CGN: variants seen among roughly 807,000 people sequenced by gnomAD.
CGN encodes cingulin.
A neutral mutation model predicts 157.1 loss-of-function variants in CGN; 121 were observed. That is an observed-to-expected ratio of 0.77 (90% CI 0.66 to 0.90). The LOEUF (loss-of-function observed/expected upper bound fraction) is 0.90. Ranked by LOEUF, CGN falls within the 40% of genes least tolerant of loss-of-function variation. The pLI, the probability that CGN is intolerant of heterozygous loss-of-function variation, is 0.00. For synonymous variants in CGN, 535 were observed against 607.5 expected (o/e 0.88, Z 1.76); for missense variants, 1,424 against 1,520.9 (o/e 0.94, Z 1.06).
In CGN at chr1:151,524,929, G is replaced by T. The variant is rs1173699256; in HGVS notation, c.1614+43G>T. On this transcript the variant is annotated intron_variant, in intron 8 of 20. Coordinates refer to ENST00000271636, the MANE Select transcript of CGN (RefSeq NM_020770.3). The surrounding 1 kb of genome is among the most constrained non-coding windows in gnomAD (Gnocchi z 4.4). ...GGTCTGAGAGAGGAGGGCACTGCTG[G>T]AGAACAAGGCTGCCTTGGGATCTTG... The T allele has an allele frequency of 6.5e-7, 1 of 1,529,286 alleles. No individual in the cohort carries two copies. Among genetic ancestry groups the T allele is most frequent in the Admixed American group, 1.8e-5 (1 of 55,748 alleles). The allele number at this position is 1,529,286 out of a possible 1,614,324, so 94.7% of individuals were successfully genotyped here. A position where few individuals can be genotyped will look rare whatever the true frequency, so the allele number is the denominator to read the frequency against.
rs776839674 is a variant in CGN at position 151,533,993 on chromosome 1, G to A, written c.2761G>A (p.Ala921Thr). The change falls in exon 15 of 21, where the codon GCC (alanine) becomes ACC (threonine). Residue 921 changes from alanine (A) to threonine (T), a missense_variant. Around this residue, in one of 3 missense-constraint regions of CGN, gnomAD observed 1,187 missense variants for 1,217.6 expected, o/e 0.97. Coordinates refer to ENST00000271636, the MANE Select transcript of CGN (RefSeq NM_020770.3). The stretch of plus-strand genomic sequence containing the variant: ...TGCCCAGATCCAGAGGCTGCGGCAG[G>A]CCCTGCAGGCATCCCAGGCTGAGCG... The part of the protein sequence containing the change: ...LQDEIQRLRQ[A>T]LQASQAERDT... 2 of 1,611,000 alleles carry A rather than the reference G, an allele frequency of 1.2e-6. No individual in the cohort carries two copies. Among genetic ancestry groups the A allele is most frequent in the Admixed American group, 3.4e-5 (2 of 59,516 alleles).
At position 151,525,725 on chromosome 1, in the gene CGN, G is replaced by A. The variant is rs145725430; in HGVS notation, c.1698G>A (p.Glu566=). ...GLQRELEETS[E]ETGHWQSMFQ... Reference sequence around the variant, plus strand: ...AGAGGGAGCTGGAGGAGACTTCAGAGGAGACAGGGCATTGGCAGAGTATGT... The same window carrying A: ...AGAGGGAGCTGGAGGAGACTTCAGAAGAGACAGGGCATTGGCAGAGTATGT... The change falls in exon 9 of 21, where the codon GAG becomes GAA. Residue 566 remains glutamate (E), a synonymous_variant. Coordinates refer to ENST00000271636, the MANE Select transcript of CGN (RefSeq NM_020770.3). 34 of 1,612,016 alleles carry A rather than the reference G, an allele frequency of 2.1e-5. No homozygotes were observed. Among genetic ancestry groups the A allele is most frequent in the African/African-American group, 5.4e-5 (4 of 74,722 alleles).
At chr1:151,528,817 C>T (rs983892957) in intron 10 of CGN, among the ~76,000 whole-genome samples, 2 of 151,966 alleles carry the variant, frequency 1.3e-5, no homozygotes, top group Non-Finnish European at 2.9e-5. Flanking sequence ...GCAATAATTC[C>T]CCCCACCCAA....
chr1:151,517,181 G>A (rs375666961), intron 1 of CGN, among the ~76,000 whole-genome samples: 2 of 151,986 alleles, frequency 1.3e-5, no homozygotes, highest in East Asian at 3.9e-4. Flanking sequence ...ACCTTTTCTT[G>A]AATAGATAAT....
At chr1:151,530,186 C>T in intron 12 of CGN, 71 bp downstream of exon 12, 1 of 1,479,522 alleles carries the variant, frequency 6.8e-7, no homozygotes, top group Non-Finnish European at 9.2e-7. Flanking sequence ...AGTAGTTAGC[C>T]ATCAGTTTCA....
At chr1:151,526,622 C>T (rs1018698686) in intron 9 of CGN, among the ~76,000 whole-genome samples, 2 of 152,002 alleles carry the variant, frequency 1.3e-5, no homozygotes, top group Non-Finnish European at 2.9e-5. Flanking sequence ...TATAGGCATG[C>T]ACCACCACAC....
At chr1:151,534,934 T>G in intron 15 of CGN, 108 bp from the exon 16 acceptor site, 2 of 766,286 alleles carry the variant, frequency 2.6e-6, no homozygotes, top group South Asian at 3.2e-5. Flanking sequence ...TACTGGGATG[T>G]GCAAGAGAGA....
In CGN at chr1:151,532,534, GAGA is replaced by G. The variant is rs1449243164; in HGVS notation, c.2708_2710del (p.Lys903del). On this transcript the variant is annotated inframe_deletion, in exon 14 of 21. Transcript: ENST00000271636. ...GGCCAAGGATTGGGCCAGTGAGGCT[GAGA>G]AGACCTCTGGAGGACTGAGCCGACT... is the stretch of plus-strand genomic sequence containing the variant. 5 of 1,592,428 alleles carry G rather than the reference GAGA, an allele frequency of 3.1e-6. No homozygotes were observed. The highest frequency in any genetic ancestry group is 4.3e-6 in the Non-Finnish European group (5 of 1,171,214).
At position 151,529,983 on chromosome 1, in the gene CGN, G is replaced by T; in HGVS notation, c.2181G>T (p.Glu727Asp). 2.5e-6 allele frequency: 4 copies of T among 1,614,172 alleles called. No homozygotes were observed. Among genetic ancestry groups the T allele is most frequent in the Non-Finnish European group, 3.4e-6 (4 of 1,180,020 alleles). ...RRAAVETTLR[E>D]TQEENDEFRR... ...CCGCAGTGGAGACGACGCTTCGGGA[G>T]ACCCAGGAGGAAAATGACGAATTCC... Residue 727 changes from glutamate to aspartate, a missense_variant, in exon 12 of 21, where the codon GAG becomes GAT. This residue lies in a region of CGN where 1,187 missense variants were observed against 1,217.6 expected (regional missense o/e 0.97). Coordinates refer to ENST00000271636, the MANE Select transcript of CGN (RefSeq NM_020770.3).
At chr1:151,523,995 C>G (rs1313609838) in intron 6 of CGN, among the ~76,000 whole-genome samples, 1 of 152,070 alleles carries the variant, frequency 6.6e-6, no homozygotes, top group Non-Finnish European at 1.5e-5. Context: ...AGACAGTAAA[C>G]AAACATATTT....
At chr1:151,522,855 G>A (rs146652908) in intron 5 of CGN, among the ~76,000 whole-genome samples, 2,302 of 151,550 alleles carry the variant, frequency 0.015, 53 homozygotes, top group African/African-American at 0.051. Context: ...TGGAGGTTGC[G>A]GTGAGCTGAG....
chr1:151,536,669 G>T, intron 19 of CGN, 61 bp from the exon 20 acceptor site: 3 of 1,541,670 alleles, frequency 1.9e-6, no homozygotes, highest in Non-Finnish European at 2.7e-6. Context: ...TGTTATGGGG[G>T]AGGGTCCCAG....
Position 151,529,557 on chromosome 1 carries a change from A to G in CGN, c.2104A>G (p.Lys702Glu), listed in dbSNP as rs772686117. The change falls in exon 11 of 21, where the codon AAG (lysine) becomes GAG (glutamate). Residue 702 changes from lysine (K) to glutamate (E), a missense_variant and splice_region_variant. Lys to Glu is a moderately conservative substitution (Grantham distance 56, BLOSUM62 1). Transcript: ENST00000271636. The part of the protein sequence containing the change: ...QLRQDCEEAS[K>E]AKMVAEAEAT... ...GCGACAGGACTGTGAAGAGGCTTCCAAGGCAAGGGGAGTGGGCACAGGGCT... is the reference window on the plus strand; with the variant it reads ...GCGACAGGACTGTGAAGAGGCTTCCGAGGCAAGGGGAGTGGGCACAGGGCT... 11 of 1,612,788 alleles carry G rather than the reference A, an allele frequency of 6.8e-6. No homozygotes were observed. Among genetic ancestry groups the G allele is most frequent in the East Asian group, 2.2e-5 (1 of 44,866 alleles).
intron 9 of CGN, 52 bp from the exon 10 acceptor site, chr1:151,526,923 A>G (rs1664693799): frequency 1.2e-6 from 2 of 1,611,836 alleles, no homozygotes; most frequent in East Asian, 2.2e-5. Context: ...TCCCCCAGGC[A>G]TGTGGCCTTA....
Position 151,524,763 on chromosome 1 carries a change from G to A in CGN, c.1491G>A (p.Leu497=), listed in dbSNP as rs201825678. The A allele has an allele frequency of 5.5e-5, 89 of 1,612,414 alleles. No individual in the cohort carries two copies. In the East Asian group the frequency reaches 6.9e-4, roughly 13 times the overall value. Residue 497 remains leucine (L), a synonymous_variant, in exon 8 of 21, where the codon TTG becomes TTA. Coordinates refer to ENST00000271636, the MANE Select transcript of CGN (RefSeq NM_020770.3). The surrounding 1 kb of genome is among the most constrained non-coding windows in gnomAD (Gnocchi z 4.4). ...AGCTGAGGCTGCGGGAGCGGGAGTT[G>A]ACAGCCCTGAAGGGGGCCCTGAAAG... ...EEQLRLRERE[L]TALKGALKEE...
At chr1:151,529,183 T>C (rs201377978) in intron 10 of CGN, among the ~76,000 whole-genome samples, 167 bp from the exon 11 acceptor site, 1 of 152,326 alleles carries the variant, frequency 6.6e-6, no homozygotes, top group East Asian at 1.9e-4. Flanking sequence ...GCTGGTGATA[T>C]AAATGGTAAA....
In CGN at chr1:151,529,375, T is replaced by C; in HGVS notation, c.1922T>C (p.Leu641Pro). The change falls in exon 11 of 21, where the codon CTT (leucine) becomes CCT (proline). Residue 641 changes from leucine to proline, a missense_variant. Leu to Pro is a moderately conservative substitution (Grantham distance 98, BLOSUM62 -3). This residue lies in a region of CGN where 1,187 missense variants were observed against 1,217.6 expected (regional missense o/e 0.97). Coordinates refer to ENST00000271636, the MANE Select transcript of CGN (RefSeq NM_020770.3). ...GAGCTGCTCCGGACACAGGAGGAGC[T>C]TAAGGAACTGCAGGCAGAACGGCAG... Reference protein sequence around the residue: ...KKELLRTQEELKELQAERQSQ... With the variant: ...KKELLRTQEEPKELQAERQSQ... The C allele has an allele frequency of 6.2e-7, 1 of 1,613,422 alleles. No homozygotes were observed. Among genetic ancestry groups the C allele is most frequent in the Non-Finnish European group, 8.5e-7 (1 of 1,179,770 alleles).
intron 13 of CGN, among the ~76,000 whole-genome samples, chr1:151,531,977 T>C (rs1180431983): frequency 6.6e-6 from 1 of 152,254 alleles, no homozygotes; most frequent in Non-Finnish European, 1.5e-5. Flanking sequence ...TGTTATAGTT[T>C]AATTGGCATA....
chr1:151,524,929 G>A lies in CGN; in HGVS notation c.1614+43G>A, dbSNP rs1173699256. ...GGTCTGAGAGAGGAGGGCACTGCTG[G>A]AGAACAAGGCTGCCTTGGGATCTTG... On this transcript the variant is annotated intron_variant, in intron 8 of 20. Coordinates refer to ENST00000271636, the MANE Select transcript of CGN (RefSeq NM_020770.3). The surrounding 1 kb of genome is among the most constrained non-coding windows in gnomAD (Gnocchi z 4.4). The A allele has an allele frequency of 3.9e-6, 6 of 1,529,168 alleles. No individual in the cohort carries two copies. The highest frequency in any genetic ancestry group is 2.8e-5 in the African/African-American group (2 of 72,648). The allele number at this position is 1,529,168 out of a possible 1,614,324, so 94.7% of individuals were successfully genotyped here.
Sources: allele counts gnomAD v4.1 joint callset (sites outside exome capture counted in the v4.1 genomes callset), GRCh38; gene constraint gnomAD v4.1.1; regional missense constraint gnomAD v4.1.1; non-coding constraint Gnocchi (gnomAD v3.1); transcripts MANE v1.5; gene names NCBI Gene and HGNC (gene_info 2026-07-23, HGNC 2026-07-21).